ZFAT: variants seen among roughly 807,000 people sequenced by gnomAD.
ZFAT encodes zinc finger and AT-hook domain containing.
ZFAT carries 64 observed loss-of-function variants against 117.7 expected under a neutral mutation model. That is an observed-to-expected ratio of 0.54 (90% CI 0.44 to 0.67). ZFAT has a LOEUF of 0.67. Ranked by LOEUF, ZFAT falls within the 30% of genes least tolerant of loss-of-function variation. The probability of loss-of-function intolerance (pLI) is 0.00; values close to 1 mark genes in which losing one functional copy is unlikely to be tolerated. For synonymous variants in ZFAT, 679 were observed against 615.0 expected (o/e 1.10, Z -1.54); for missense variants, 1,433 against 1,584.5 (o/e 0.90, Z 1.62).
At chr8:134,713,124 C>G (rs556673974), upstream of ZFAT, 14 of 380,208 alleles carry the variant, frequency 3.7e-5, no homozygotes, top group South Asian at 2.3e-4. Flanking sequence ...CGCGGCCCGG[C>G]AGGGCCGAGC....
intron 5 of ZFAT, among the ~76,000 whole-genome samples, chr8:134,606,613 G>A (rs548098574): frequency 1.3e-5 from 2 of 152,114 alleles, no homozygotes; most frequent in Non-Finnish European, 2.9e-5. Flanking sequence ...CTACTCAGGA[G>A]GCTGAGGCAA....
At chr8:134,522,298 C>T (rs1820722716) in intron 12 of ZFAT, among the ~76,000 whole-genome samples, 2 of 152,252 alleles carry the variant, frequency 1.3e-5, no homozygotes, top group African/African-American at 4.8e-5. Context: ...ACCTGGCCCT[C>T]TCCACTTAAA....
At chr8:134,653,332 A>G in intron 2 of ZFAT, among the ~76,000 whole-genome samples, 1 of 142,792 alleles carries the variant, frequency 7.0e-6, no homozygotes, top group East Asian at 2.2e-4. Context: ...GCTGGAGTGC[A>G]GTGGTGCAAT....
chr8:134,663,132 C>T (rs1832025020), intron 1 of ZFAT, among the ~76,000 whole-genome samples: 1 of 152,218 alleles, frequency 6.6e-6, no homozygotes, highest in African/African-American at 2.4e-5. Context: ...CCTTCGTGAT[C>T]GTCCAAAACT....
In ZFAT at chr8:134,608,791, C is replaced by T. The variant is rs1828094469; in HGVS notation, c.723G>A (p.Arg241=). Residue 241 remains arginine (R), a synonymous_variant, in exon 5 of 16, where the codon CGG becomes CGA. Transcript: ENST00000377838. The stretch of plus-strand genomic sequence containing the variant: ...GAATGGCGTATTCCTGGTAGCCTCT[C>T]CGAGGCACCAGGTCTGCTGAAGTGG... ...SETTSADLVP[R]RGYQEYAIQQ... 2 of 1,610,866 alleles carry T rather than the reference C, an allele frequency of 1.2e-6. No individual in the cohort carries two copies. Among genetic ancestry groups the T allele is most frequent in the Admixed American group, 1.7e-5 (1 of 59,296 alleles).
chr8:134,535,795 G>C (rs894094863), intron 11 of ZFAT, among the ~76,000 whole-genome samples: 1 of 152,008 alleles, frequency 6.6e-6, no homozygotes, highest in African/African-American at 2.4e-5. Flanking sequence ...TTACTGCAAA[G>C]TTAAAATAAA....
At chr8:134,816,395 A>G in the ZFAT span, among the ~76,000 whole-genome samples, 1 of 152,114 alleles carries the variant, frequency 6.6e-6, no homozygotes, top group African/African-American at 2.4e-5. Context: ...TCCTGTGATG[A>G]AAAAAACAAC....
chr8:134,728,687 C>A, the ZFAT span, among the ~76,000 whole-genome samples: 3 of 152,124 alleles, frequency 2.0e-5, no homozygotes, highest in African/African-American at 7.2e-5. Context: ...AGGATCTAAT[C>A]AAAAGTTTTG....
At chr8:134,616,273 G>A (rs1178754887) in intron 3 of ZFAT, among the ~76,000 whole-genome samples, 1 of 152,224 alleles carries the variant, frequency 6.6e-6, no homozygotes, top group Non-Finnish European at 1.5e-5. Context: ...GGAAAGCAAG[G>A]AGGGTACAGG....
At chr8:134,647,481 C>G (rs1400761742) in intron 2 of ZFAT, among the ~76,000 whole-genome samples, 4 of 152,168 alleles carry the variant, frequency 2.6e-5, no homozygotes, top group Non-Finnish European at 5.9e-5. Flanking sequence ...ACAAGGGTGC[C>G]TACTCTCACC....
intron 5 of ZFAT, among the ~76,000 whole-genome samples, chr8:134,607,642 T>C (rs1203962617): frequency 6.6e-6 from 1 of 152,246 alleles, no homozygotes; most frequent in African/African-American, 2.4e-5. Flanking sequence ...AGAGCCAACC[T>C]AGGTCTATTT....
At chr8:134,697,143 C>A (rs1271632066) in intron 1 of ZFAT, among the ~76,000 whole-genome samples, 1 of 151,996 alleles carries the variant, frequency 6.6e-6, no homozygotes, top group East Asian at 2.0e-4. Context: ...CTCCGTTGGT[C>A]TCGCTCTGTC....
the ZFAT span, among the ~76,000 whole-genome samples, chr8:134,755,815 C>T: frequency 2.1e-5 from 1 of 47,410 alleles, no homozygotes; most frequent in Non-Finnish European, 3.7e-5. Flanking sequence ...AAGACTCCAT[C>T]TCAAAAAAAA....
chr8:134,773,987 T>TG, the ZFAT span, among the ~76,000 whole-genome samples: 841 of 51,144 alleles, frequency 0.016, 38 homozygotes, highest in African/African-American at 0.059. Flanking sequence ...AGGATTAATT[T>TG]TTTTTTTTTT....
At chr8:134,582,941 T>G (rs1316310936) in intron 10 of ZFAT, among the ~76,000 whole-genome samples, 1 of 152,254 alleles carries the variant, frequency 6.6e-6, no homozygotes, top group Non-Finnish European at 1.5e-5. Flanking sequence ...TTATAAAGTT[T>G]ATTAATCTTG....
chr8:134,706,981 C>T (rs1360372055), intron 1 of ZFAT, among the ~76,000 whole-genome samples: 7 of 152,096 alleles, frequency 4.6e-5, no homozygotes, highest in Admixed American at 4.6e-4. Flanking sequence ...CTTCCTGTCC[C>T]TCAACATTTC....
chr8:134,497,351 C>G (rs947223026), intron 15 of ZFAT, among the ~76,000 whole-genome samples: 6 of 152,256 alleles, frequency 3.9e-5, no homozygotes, highest in Admixed American at 6.5e-5. Flanking sequence ...AGGAGGGGGA[C>G]TGACAGCTGA....
At chr8:134,552,512 T>C (rs1308946800) in intron 11 of ZFAT, among the ~76,000 whole-genome samples, 1 of 152,242 alleles carries the variant, frequency 6.6e-6, no homozygotes, top group Non-Finnish European at 1.5e-5. Context: ...AGGCAATAGA[T>C]TTCTCCAGCT....
chr8:134,678,703 A>C (rs894634749), intron 1 of ZFAT, among the ~76,000 whole-genome samples: 5 of 152,218 alleles, frequency 3.3e-5, no homozygotes, highest in African/African-American at 1.2e-4. Context: ...ACAAGGCTAC[A>C]GCAACCAAAA....
Sources: gnomAD v4.1 joint callset for allele counts (sites outside exome capture counted in the v4.1 genomes callset) on GRCh38, gnomAD v4.1.1 for gene constraint, MANE v1.5 for transcripts, NCBI Gene and HGNC (gene_info 2026-07-23, HGNC 2026-07-21) for gene names.